PCDHGA8: variants seen among roughly 807,000 people sequenced by gnomAD.
The protein encoded by PCDHGA8 is protocadherin gamma subfamily A, 8.
Under a neutral mutation model 59.2 loss-of-function variants are expected in PCDHGA8, and 45 were observed. The observed-to-expected ratio is 0.76, with a 90% confidence interval of 0.60 to 0.98. The LOEUF (loss-of-function observed/expected upper bound fraction) is 0.98, where lower values mean the gene tolerates loss of function less well. Among genes scored for constraint, PCDHGA8 ranks in the 50% least tolerant of loss-of-function variants. The probability of loss-of-function intolerance (pLI) is 0.00; values close to 1 mark genes in which losing one functional copy is unlikely to be tolerated. For synonymous variants in PCDHGA8, 531 were observed against 519.0 expected (o/e 1.02, Z -0.32); for missense variants, 1,257 against 1,196.2 (o/e 1.05, Z -0.75).
At chr5:141,418,742 G>GA in intron 1 of PCDHGA8, 1 of 1,613,896 alleles carries the variant, frequency 6.2e-7, no homozygotes, top group Non-Finnish European at 8.5e-7. Flanking sequence ...GTTCTCTCTG[G>GA]ATTACACTAC....
At chr5:141,419,117 G>A (rs1362880648) in intron 1 of PCDHGA8, 2 of 1,613,836 alleles carry the variant, frequency 1.2e-6, no homozygotes, top group Non-Finnish European at 1.7e-6. Flanking sequence ...AGAGTACAAC[G>A]TCACCATCGC....
intron 1 of PCDHGA8, chr5:141,418,595 G>GT (rs2096273873): frequency 6.2e-7 from 1 of 1,613,928 alleles, no homozygotes; most frequent in African/African-American, 1.3e-5. Context: ...CAGCCAGGAC[G>GT]TGTACAGGGT....
At chr5:141,458,630 C>T (rs575289408) in intron 1 of PCDHGA8, among the ~76,000 whole-genome samples, 1 of 151,864 alleles carries the variant, frequency 6.6e-6, no homozygotes, top group Admixed American at 6.6e-5. Flanking sequence ...AGTGCAGTGG[C>T]ACAATCCCAG....
intron 1 of PCDHGA8, chr5:141,399,391 G>C: frequency 2.5e-6 from 4 of 1,613,964 alleles, no homozygotes; most frequent in Non-Finnish European, 3.4e-6. Flanking sequence ...CACAGCCACA[G>C]ACAGGGGCAA....
At position 141,485,225 on chromosome 5, in the gene PCDHGA8, T is replaced by C; in HGVS notation, c.2425-9582T>C. The C allele has an allele frequency of 1.2e-6, 2 of 1,614,156 alleles. No homozygotes were observed. Among genetic ancestry groups the C allele is most frequent in the Non-Finnish European group, 1.7e-6 (2 of 1,180,010 alleles). On this transcript the variant is annotated intron_variant, in intron 1 of 3. Coordinates refer to ENST00000398604, the MANE Select transcript of PCDHGA8 (RefSeq NM_032088.2). The surrounding 1 kb of genome is among the most constrained non-coding windows in gnomAD (Gnocchi z 5.7). Reference sequence around the variant, plus strand: ...AGAAATCTGGCGGTGGGCTACCCTTTTGTTCCTCTTTTACCACCTGGGTTA... The same window carrying C: ...AGAAATCTGGCGGTGGGCTACCCTTCTGTTCCTCTTTTACCACCTGGGTTA...
intron 1 of PCDHGA8, among the ~76,000 whole-genome samples, chr5:141,448,917 C>T (rs913804081): frequency 2.6e-5 from 4 of 152,130 alleles, no homozygotes; most frequent in African/African-American, 9.7e-5. Context: ...TGCACTCCAG[C>T]CTGGGCGACA....
chr5:141,439,150 G>A (rs971023726), intron 1 of PCDHGA8, among the ~76,000 whole-genome samples: 7 of 149,122 alleles, frequency 4.7e-5, no homozygotes, highest in South Asian at 2.1e-4. Flanking sequence ...CTGAGATCAC[G>A]CCACTGCACT....
In PCDHGA8 at chr5:141,477,446, C is replaced by A; in HGVS notation, c.2425-17361C>A. 1 of 1,614,196 alleles carries A rather than the reference C, an allele frequency of 6.2e-7. No homozygotes were observed. The highest frequency in any genetic ancestry group is 8.5e-7 in the Non-Finnish European group (1 of 1,180,022). The stretch of plus-strand genomic sequence containing the variant: ...TTCCCTCTCAGCCCTTACAATAGTG[C>A]GTGTTCAAGTGTCCGACATCAATGA... On this transcript the variant is annotated intron_variant, in intron 1 of 3. Transcript: ENST00000398604. The surrounding 1 kb of genome is among the most constrained non-coding windows in gnomAD (Gnocchi z 4.9).
In PCDHGA8 at chr5:141,393,170, A is replaced by G. The variant is rs746908655; in HGVS notation, c.357A>G (p.Val119=). 1 of 1,613,286 alleles carries G rather than the reference A, an allele frequency of 6.2e-7. No individual in the cohort carries two copies. Among genetic ancestry groups the G allele is most frequent in the South Asian group, 1.1e-5 (1 of 91,086 alleles). Residue 119 remains valine (V), a synonymous_variant, in exon 1 of 4, where the codon GTA becomes GTG. Coordinates refer to ENST00000398604, the MANE Select transcript of PCDHGA8 (RefSeq NM_032088.2). ...AGGATAAAGGAAAACTCTTTGGGGT[A>G]GAAATAGAAATAATTGATATTAACG... ...LVEDKGKLFG[V]EIEIIDINDN...
intron 1 of PCDHGA8, among the ~76,000 whole-genome samples, chr5:141,482,385 A>T (rs1238551737): frequency 6.6e-6 from 1 of 152,210 alleles, no homozygotes; most frequent in Non-Finnish European, 1.5e-5. Context: ...AAGTCCCTGT[A>T]TGGAGCAAGT....
chr5:141,425,426 A>T (rs1227154364), intron 1 of PCDHGA8, among the ~76,000 whole-genome samples: 1 of 152,236 alleles, frequency 6.6e-6, no homozygotes, highest in African/African-American at 2.4e-5. Flanking sequence ...AGTCCCATTA[A>T]ATAGAGGATA....
chr5:141,461,732 A>G (rs945368729), intron 1 of PCDHGA8, among the ~76,000 whole-genome samples: 5 of 152,154 alleles, frequency 3.3e-5, no homozygotes, highest in Non-Finnish European at 5.9e-5. Context: ...GTGCAGTGGC[A>G]CAATCCCGGC....
intron 1 of PCDHGA8, chr5:141,409,914 G>C: frequency 6.2e-7 from 1 of 1,613,348 alleles, no homozygotes; most frequent in East Asian, 2.2e-5. Context: ...GGTCCTGACG[G>C]CTCCGCGTTC....
chr5:141,493,289 C>A lies in PCDHGA8; in HGVS notation c.2425-1518C>A, dbSNP rs925045650. On this transcript the variant is annotated intron_variant, in intron 1 of 3. Coordinates refer to ENST00000398604, the MANE Select transcript of PCDHGA8 (RefSeq NM_032088.2). This position sits in a 1 kb window ranked among gnomAD's most constrained non-coding sequence, Gnocchi z 4.3. The stretch of plus-strand genomic sequence containing the variant: ...CTTCACAGAGGTCAAGTGACTTGCT[C>A]AAGTTCACAGAGCAAGTAAGAGAGA... 6.6e-6 allele frequency among the ~76,000 whole-genome samples: 1 copy of A among 152,176 alleles called. No individual in the cohort carries two copies. Among genetic ancestry groups the A allele is most frequent in the East Asian group, 1.9e-4 (1 of 5,194 alleles).
At chr5:141,420,208 A>G (rs1396340813) in intron 1 of PCDHGA8, 1 of 1,612,970 alleles carries the variant, frequency 6.2e-7, no homozygotes, top group Non-Finnish European at 8.5e-7. Flanking sequence ...ACCTCAACAA[A>G]GATAGCATGC....
chr5:141,408,869 A>T, intron 1 of PCDHGA8: 1 of 1,613,690 alleles, frequency 6.2e-7, no homozygotes, highest in Non-Finnish European at 8.5e-7. Flanking sequence ...CCCACCAAGA[A>T]GTGCCACCGC....
chr5:141,420,009 A>T, intron 1 of PCDHGA8: 1 of 1,614,088 alleles, frequency 6.2e-7, no homozygotes, highest in Non-Finnish European at 8.5e-7. Context: ...CGCCTGCGAC[A>T]GTCTTTCAGC....
At chr5:141,455,690 C>T (rs1209152869) in intron 1 of PCDHGA8, among the ~76,000 whole-genome samples, 1 of 152,064 alleles carries the variant, frequency 6.6e-6, no homozygotes, top group Non-Finnish European at 1.5e-5. Context: ...CTGTGGGAAT[C>T]GCCAAGTTGA....
At position 141,494,880 on chromosome 5, in the gene PCDHGA8, C is replaced by G. The variant is rs950094823; in HGVS notation, c.2483+15C>G. On this transcript the variant is annotated intron_variant, in intron 2 of 3. Transcript: ENST00000398604. ...GGCACCAGCGGGTAGGTGACTGATT[C>G]TCCAGCCCACCCTCTTCTCTGCGGC... The G allele has an allele frequency of 3.7e-6, 6 of 1,614,040 alleles. No individual in the cohort carries two copies. The African/African-American group carries it at 6.7e-5, about 18-fold the overall frequency.
Sources: allele counts gnomAD v4.1 joint callset (sites outside exome capture counted in the v4.1 genomes callset), GRCh38; gene constraint gnomAD v4.1.1; non-coding constraint Gnocchi (gnomAD v3.1); transcripts MANE v1.5; gene names NCBI Gene and HGNC (gene_info 2026-07-23, HGNC 2026-07-21).